The following TNC variants were observed in gnomAD, a reference collection of about 807,000 sequenced individuals.
TNC encodes tenascin C.
TNC carries 109 observed loss-of-function variants against 202.4 expected under a neutral mutation model. The observed-to-expected ratio is 0.54, with a 90% CI of 0.46 to 0.63. The LOEUF is 0.63. Among genes scored for constraint, TNC ranks in the 30% least tolerant of loss-of-function variants. The pLI is 0.00. For missense variants in TNC, 2,756 were observed against 2,833.3 expected, an observed-to-expected ratio of 0.97 and a Z score of 0.62; for synonymous variants, 1,007 against 1,089.7, an observed-to-expected ratio of 0.92 and a Z score of 1.50.
rs1198158071 is a variant in TNC at position 115,057,147 on chromosome 9, A to G, written c.4579+6T>C. The G allele has an allele frequency of 4.4e-6, 7 of 1,608,332 alleles. No homozygotes were observed. Among genetic ancestry groups the G allele is most frequent in the Non-Finnish European group, 5.9e-6 (7 of 1,176,826 alleles). ...GTGCGTTAGAAATGGGAGAATGCACATGTACCTGTCGTGGCTGTGGCACTG... is the reference window on the plus strand; with the variant it reads ...GTGCGTTAGAAATGGGAGAATGCACGTGTACCTGTCGTGGCTGTGGCACTG... On this transcript the variant is annotated splice_donor_region_variant and intron_variant, in intron 15 of 27. Transcript: ENST00000350763.
chr9:115,096,404 G>A (rs1224633787), intron 1 of TNC, among the ~76,000 whole-genome samples: 1 of 152,172 alleles, frequency 6.6e-6, no homozygotes, highest in Non-Finnish European at 1.5e-5. Context: ...GGGGCTTGTG[G>A]TTACAATATG....
intron 15 of TNC, among the ~76,000 whole-genome samples, chr9:115,051,911 TA>T (rs1370753846): frequency 6.6e-6 from 1 of 152,044 alleles, no homozygotes; most frequent in Non-Finnish European, 1.5e-5. Flanking sequence ...TCCTTTATAA[TA>T]GTATCTGCTT....
chr9:115,113,559 C>T (rs779023840), intron 1 of TNC, among the ~76,000 whole-genome samples: 16 of 152,122 alleles, frequency 1.1e-4, no homozygotes, highest in East Asian at 1.9e-4. Context: ...AGGTGAACAA[C>T]GGTCAATTCT....
chr9:115,088,706 A>C (rs961526716), intron 2 of TNC, among the ~76,000 whole-genome samples: 2 of 152,028 alleles, frequency 1.3e-5, no homozygotes, highest in African/African-American at 4.8e-5. Flanking sequence ...TTTTTTAAAA[A>C]AAGCTGATTT....
chr9:115,061,129 A>C (rs943501506), intron 13 of TNC, among the ~76,000 whole-genome samples: 3 of 152,154 alleles, frequency 2.0e-5, no homozygotes, highest in African/African-American at 7.2e-5. Flanking sequence ...CATGGGTTAG[A>C]AGTTAGGGAG....
intron 27 of TNC, among the ~76,000 whole-genome samples, chr9:115,022,611 G>A (rs1004788858): frequency 1.3e-5 from 2 of 151,762 alleles, no homozygotes; most frequent in African/African-American, 2.4e-5. Flanking sequence ...TGTATTATAC[G>A]AGTATTTTTG....
At chr9:115,025,249 T>C (rs1829390204) in intron 26 of TNC, among the ~76,000 whole-genome samples, 1 of 152,168 alleles carries the variant, frequency 6.6e-6, no homozygotes. Flanking sequence ...CAAAGAGGTA[T>C]TCATTTCCAG....
At position 115,076,417 on chromosome 9, in the gene TNC, G is replaced by C; in HGVS notation, c.2833C>G (p.Gln945Glu). 1 of 1,588,752 alleles carries C rather than the reference G, an allele frequency of 6.3e-7. No individual in the cohort carries two copies. Among genetic ancestry groups the C allele is most frequent in the African/African-American group, 1.3e-5 (1 of 74,794 alleles). ...GTGAGTGTGGTTTTGGTTGTGGCTTGTTGGCTCTTTGGAACATCAACCTCA... is the reference window on the plus strand; with the variant it reads ...GTGAGTGTGGTTTTGGTTGTGGCTTCTTGGCTCTTTGGAACATCAACCTCA... ...HAEVDVPKSQ[Q>E]ATTKTTLTGL... Residue 945 changes from glutamine (Q) to glutamate (E), a missense_variant, in exon 8 of 28, where the codon CAA becomes GAA. Transcript: ENST00000350763.
chr9:115,063,002 G>A lies in TNC; in HGVS notation c.3948C>T (p.Leu1316=). 4 of 1,614,124 alleles carry A rather than the reference G, an allele frequency of 2.5e-6. No individual in the cohort carries two copies. The highest frequency in any genetic ancestry group is 3.4e-6 in the Non-Finnish European group (4 of 1,180,014). The part of the protein sequence containing the change: ...GSLRSMEIPG[L]RAGTPYTVTL... ...TGACTGTGTAAGGAGTGCCAGCCCT[G>A]AGGCCTGGGATTTCCATGGAACGCA... The change falls in exon 13 of 28, where the codon CTC becomes CTT. Residue 1316 remains leucine, a synonymous_variant. Coordinates refer to ENST00000350763, the MANE Select transcript of TNC (RefSeq NM_002160.4).
At chr9:115,052,442 C>T (rs1490834113) in intron 15 of TNC, among the ~76,000 whole-genome samples, 1 of 150,154 alleles carries the variant, frequency 6.7e-6, no homozygotes, top group Non-Finnish European at 1.5e-5. Flanking sequence ...TTCAAAATTC[C>T]TAAAAGAGTA....
At position 115,064,741 on chromosome 9, in the gene TNC, T is replaced by C; in HGVS notation, c.3393A>G (p.Ile1131Met). The change falls in exon 11 of 28, where the codon ATA (isoleucine) becomes ATG (methionine). Residue 1131 changes from isoleucine (I) to methionine (M), a missense_variant. Ile to Met is a conservative substitution (Grantham distance 10). This residue lies in a region of TNC where 2,559 missense variants were observed against 2,546.0 expected (regional missense o/e 1.01). Coordinates refer to ENST00000350763, the MANE Select transcript of TNC (RefSeq NM_002160.4). ...TVPGSLRAVD[I>M]PGLKAATPYT... Reference sequence around the variant, plus strand: ...AAGGCGTAGCAGCCTTGAGGCCCGGTATGTCCACAGCCCGAAGGCTGCCAG... The same window carrying C: ...AAGGCGTAGCAGCCTTGAGGCCCGGCATGTCCACAGCCCGAAGGCTGCCAG... 1 of 1,614,156 alleles carries C rather than the reference T, an allele frequency of 6.2e-7. No individual in the cohort carries two copies. The highest frequency in any genetic ancestry group is 8.5e-7 in the Non-Finnish European group (1 of 1,180,016).
In TNC at chr9:115,086,725, A is replaced by G. The variant is rs780413231; in HGVS notation, c.1006T>C (p.Phe336Leu). 5 of 1,613,924 alleles carry G rather than the reference A, an allele frequency of 3.1e-6. No homozygotes were observed. Among genetic ancestry groups the G allele is most frequent in the Non-Finnish European group, 4.2e-6 (5 of 1,180,034 alleles). Residue 336 changes from phenylalanine to leucine, a missense_variant, in exon 3 of 28, where the codon TTC becomes CTC. Around this residue, in one of 2 missense-constraint regions of TNC, gnomAD observed 2,559 missense variants for 2,546.0 expected, o/e 1.01. Coordinates refer to ENST00000350763, the MANE Select transcript of TNC (RefSeq NM_002160.4). ...INGTCYCEEG[F>L]TGEDCGKPTC... ...GGTTTCCCGCAGTCTTCACCTGTGA[A>G]GCCTTCTTCGCAGTAGCAGGTGCCA...
At chr9:115,102,488 A>T (rs1836309827) in intron 1 of TNC, among the ~76,000 whole-genome samples, 1 of 152,220 alleles carries the variant, frequency 6.6e-6, no homozygotes, top group Non-Finnish European at 1.5e-5. Context: ...TCTCTGCATG[A>T]ATAAATCTAT....
intron 10 of TNC, among the ~76,000 whole-genome samples, chr9:115,069,762 C>T (rs868695415): frequency 3.0e-4 from 4 of 13,414 alleles, no homozygotes; most frequent in Non-Finnish European, 4.8e-4. Context: ...CTCCCTCCCT[C>T]CCTCCCTCCC....
In TNC at chr9:115,046,645, A is replaced by C. The variant is rs145797604; in HGVS notation, c.4890T>G (p.Asp1630Glu). The C allele has an allele frequency of 1.4e-4, 225 of 1,613,668 alleles. No individual in the cohort carries two copies. The highest frequency in any genetic ancestry group is 6.0e-5 in the Non-Finnish European group (71 of 1,179,914). Residue 1630 changes from aspartate (D) to glutamate (E), a missense_variant, in exon 17 of 28, where the codon GAT becomes GAG. Around this residue, in one of 2 missense-constraint regions of TNC, gnomAD observed 2,559 missense variants for 2,546.0 expected, o/e 1.01. Transcript: ENST00000350763. ...EPEVDNLLVS[D>E]ATPDGFRLSW... ...ACAGACGGAAACCGTCTGGGGTGGCATCTGAAACCAGAAGGTTGTCAACTT... is the reference window on the plus strand; with the variant it reads ...ACAGACGGAAACCGTCTGGGGTGGCCTCTGAAACCAGAAGGTTGTCAACTT...
intron 1 of TNC, among the ~76,000 whole-genome samples, chr9:115,108,776 A>G (rs555488770): frequency 6.6e-6 from 1 of 152,344 alleles, no homozygotes; most frequent in Non-Finnish European, 1.5e-5. Flanking sequence ...CTTCATAAAT[A>G]GAATTTGTGC....
intron 1 of TNC, among the ~76,000 whole-genome samples, chr9:115,093,757 C>T (rs1403393484): frequency 6.6e-6 from 1 of 151,996 alleles, no homozygotes; most frequent in Non-Finnish European, 1.5e-5. Context: ...ATTGAGACTC[C>T]AAGGCAAAGA....
At chr9:115,076,681 A>G (rs1833890299) in intron 7 of TNC, 106 bp from the exon 8 acceptor site, 2 of 1,291,146 alleles carry the variant, frequency 1.5e-6, no homozygotes, top group Non-Finnish European at 1.1e-6. Context: ...CTGGAGAGAA[A>G]TTACAAAATT....
intron 1 of TNC, among the ~76,000 whole-genome samples, chr9:115,111,517 T>C (rs1837064460): frequency 6.8e-6 from 1 of 147,018 alleles, no homozygotes; most frequent in African/African-American, 2.5e-5. Context: ...CAAGTGATTC[T>C]CCTGCTTCAG....
Sources: gnomAD v4.1 joint callset for allele counts (sites outside exome capture counted in the v4.1 genomes callset) on GRCh38, gnomAD v4.1.1 for gene constraint, gnomAD v4.1.1 regional missense constraint, MANE v1.5 for transcripts, NCBI Gene and HGNC (gene_info 2026-07-23, HGNC 2026-07-21) for gene names.